NDUFAF2: variants seen among roughly 807,000 people sequenced by gnomAD.
NDUFAF2 encodes NADH dehydrogenase [ubiquinone] 1 alpha subcomplex assembly factor 2.
NDUFAF2 carries 13 observed loss-of-function variants against 22.8 expected under a neutral mutation model. That is an observed-to-expected ratio of 0.57 (90% confidence interval 0.37 to 0.91). The LOEUF (loss-of-function observed/expected upper bound fraction) is 0.91. Ranked by LOEUF, NDUFAF2 falls within the 40% of genes least tolerant of loss-of-function variation. The pLI is 0.01. For missense variants in NDUFAF2, 162 were observed against 195.2 expected (o/e 0.83, Z 1.01); for synonymous variants, 53 against 64.2 (o/e 0.83, Z 0.84).
intron 1 of NDUFAF2, among the ~76,000 whole-genome samples, chr5:61,061,974 G>A (rs1053308808): frequency 3.3e-5 from 5 of 152,270 alleles, no homozygotes; most frequent in Middle Eastern, 3.4e-3. Context: ...ATGCTGCATG[G>A]AATCACATTA....
At chr5:60,946,854 G>A (rs917722427) in intron 1 of NDUFAF2, among the ~76,000 whole-genome samples, 2 of 152,104 alleles carry the variant, frequency 1.3e-5, no homozygotes, top group Non-Finnish European at 2.9e-5. Context: ...CTATAGTTTT[G>A]TCTTTTCTAG....
chr5:60,972,179 G>A (rs974736007), intron 1 of NDUFAF2, among the ~76,000 whole-genome samples: 2 of 151,256 alleles, frequency 1.3e-5, no homozygotes, highest in Admixed American at 6.6e-5. Flanking sequence ...CTGACCTCGT[G>A]ATCTGCCTGC....
intron 2 of NDUFAF2, among the ~76,000 whole-genome samples, chr5:61,074,563 G>T (rs1398528877): frequency 6.6e-6 from 1 of 151,554 alleles, no homozygotes; most frequent in Admixed American, 6.6e-5. Flanking sequence ...CTCCAGCCTG[G>T]TGACAGAGTG....
intron 2 of NDUFAF2, among the ~76,000 whole-genome samples, chr5:61,088,267 A>T (rs1752527916): frequency 6.6e-6 from 1 of 152,072 alleles, no homozygotes; most frequent in Admixed American, 6.6e-5. Flanking sequence ...AATCTTATAT[A>T]ACGTAATCAC....
chr5:60,977,207 T>C (rs1750914533), intron 1 of NDUFAF2, among the ~76,000 whole-genome samples: 1 of 151,834 alleles, frequency 6.6e-6, no homozygotes, highest in Admixed American at 6.6e-5. Flanking sequence ...CCAAGAGGAT[T>C]ACTTGAGGCC....
intron 2 of NDUFAF2, among the ~76,000 whole-genome samples, chr5:61,082,796 C>CT (rs1384916785): frequency 2.4e-4 from 36 of 152,208 alleles, no homozygotes; most frequent in Non-Finnish European, 8.8e-5. Flanking sequence ...GTTGATTCCA[C>CT]TTTTTTGCTA....
intron 3 of NDUFAF2, among the ~76,000 whole-genome samples, chr5:61,136,723 G>T (rs1378427802): frequency 6.6e-6 from 1 of 152,172 alleles, no homozygotes; most frequent in Non-Finnish European, 1.5e-5. Context: ...GCCTTAATAA[G>T]CTGGTTAAAT....
intron 1 of NDUFAF2, among the ~76,000 whole-genome samples, chr5:61,066,312 C>A (rs1222628022): frequency 1.3e-5 from 2 of 151,940 alleles, no homozygotes; most frequent in Non-Finnish European, 2.9e-5. Context: ...AACACAATCT[C>A]TATCAAAATT....
chr5:61,039,941 T>C (rs1215685271), intron 1 of NDUFAF2, among the ~76,000 whole-genome samples: 1 of 152,178 alleles, frequency 6.6e-6, no homozygotes, highest in Non-Finnish European at 1.5e-5. Flanking sequence ...TTTGAAGATA[T>C]TCTGTTAAAT....
At chr5:61,007,308 G>C (rs1751380450) in intron 1 of NDUFAF2, among the ~76,000 whole-genome samples, 1 of 151,922 alleles carries the variant, frequency 6.6e-6, no homozygotes, top group African/African-American at 2.4e-5. Context: ...GTGTAAGGAA[G>C]GGATCCAGTT....
At chr5:61,080,876 C>A (rs1382246298) in intron 2 of NDUFAF2, among the ~76,000 whole-genome samples, 1 of 151,992 alleles carries the variant, frequency 6.6e-6, no homozygotes, top group Non-Finnish European at 1.5e-5. Flanking sequence ...TCCAGTTTAT[C>A]ATTTTTTTCT....
chr5:61,141,087 C>T lies in NDUFAF2; in HGVS notation c.259-11617C>T, dbSNP rs535218642. Among the ~76,000 whole-genome samples the T allele has an allele frequency of 2.5e-3, 378 of 152,080 alleles. 2 individuals carry two copies. Among genetic ancestry groups the T allele is most frequent in the African/African-American group, 7.4e-3 (307 of 41,476 alleles). ...TACTAAAAATACAAAATTAGCCGGACGTGGTGGCACATGCCTGTAATCCCA... is the reference window on the plus strand; with the variant it reads ...TACTAAAAATACAAAATTAGCCGGATGTGGTGGCACATGCCTGTAATCCCA... On this transcript the variant is annotated intron_variant, in intron 3 of 3. Transcript: ENST00000296597.
chr5:61,103,608 T>A (rs1561565826), intron 3 of NDUFAF2, among the ~76,000 whole-genome samples: 3 of 152,154 alleles, frequency 2.0e-5, no homozygotes, highest in Admixed American at 6.6e-5. Flanking sequence ...TCATTATTGG[T>A]TTCATTGGCC....
intron 1 of NDUFAF2, among the ~76,000 whole-genome samples, chr5:61,053,580 G>T (rs1017617531): frequency 1.3e-5 from 2 of 152,078 alleles, no homozygotes; most frequent in African/African-American, 4.8e-5. Context: ...GCCCAGCAGG[G>T]GTCATGTACC....
intron 2 of NDUFAF2, among the ~76,000 whole-genome samples, chr5:61,084,818 G>A (rs377192209): frequency 6.6e-6 from 1 of 152,098 alleles, no homozygotes; most frequent in Non-Finnish European, 1.5e-5. Flanking sequence ...TTAAACCTAT[G>A]TAAATAGGTA....
intron 2 of NDUFAF2, among the ~76,000 whole-genome samples, chr5:61,078,462 C>A (rs1028827208): frequency 6.6e-5 from 10 of 152,022 alleles, no homozygotes; most frequent in Admixed American, 6.6e-5. Flanking sequence ...AAGATTTGAT[C>A]AGGTGCACTG....
intron 3 of NDUFAF2, among the ~76,000 whole-genome samples, chr5:61,114,000 G>A (rs561299332): frequency 3.9e-5 from 6 of 152,068 alleles, no homozygotes; most frequent in African/African-American, 1.4e-4. Flanking sequence ...ATGTCTTGAG[G>A]TAATCTTATA....
intron 3 of NDUFAF2, 54 bp downstream of exon 3, chr5:61,099,086 C>T (rs961459422): frequency 6.3e-6 from 8 of 1,267,132 alleles, no homozygotes; most frequent in African/African-American, 3.0e-5. Context: ...CAAGGATATA[C>T]GAAGCTTCAG....
At chr5:60,987,908 C>T (rs1288228936) in intron 1 of NDUFAF2, among the ~76,000 whole-genome samples, 2 of 152,056 alleles carry the variant, frequency 1.3e-5, no homozygotes, top group East Asian at 1.9e-4. Context: ...AAACATAATA[C>T]TGGAAGTTCC....
Sources: allele counts gnomAD v4.1 joint callset (sites outside exome capture counted in the v4.1 genomes callset), GRCh38; gene constraint gnomAD v4.1.1; transcripts MANE v1.5; gene names NCBI Gene and HGNC (gene_info 2026-07-23, HGNC 2026-07-21).